ARFGEF1: variants seen among roughly 807,000 people sequenced by gnomAD.
The protein encoded by ARFGEF1 is ARF guanine nucleotide exchange factor 1.
A neutral mutation model predicts 231.0 loss-of-function variants in ARFGEF1; 42 were observed. The observed-to-expected ratio is 0.18, with a 90% CI of 0.14 to 0.24. The LOEUF is 0.24. Among genes scored for constraint, ARFGEF1 ranks in the 10% least tolerant of loss-of-function variants. The probability of loss-of-function intolerance (pLI) is 1.00; values close to 1 mark genes in which losing one functional copy is unlikely to be tolerated. For synonymous variants in ARFGEF1, 710 were observed against 732.3 expected, an observed-to-expected ratio of 0.97 and a Z score of 0.49; for missense variants, 1,345 against 2,192.0, an observed-to-expected ratio of 0.61 and a Z score of 7.72.
At chr8:67,311,548 A>T (rs9693677) in intron 1 of ARFGEF1, among the ~76,000 whole-genome samples, 3 of 134,982 alleles carry the variant, frequency 2.2e-5, no homozygotes, top group Admixed American at 7.0e-5. Context: ...CCAGCCGCCC[A>T]GTCTGGGAGG....
chr8:67,277,931 A>C (rs1016894104), intron 7 of ARFGEF1, among the ~76,000 whole-genome samples: 6 of 152,180 alleles, frequency 3.9e-5, no homozygotes, highest in Non-Finnish European at 5.9e-5. Context: ...AATTTATTGT[A>C]CCATAAGCCC....
At chr8:67,327,675 C>T (rs1188000223) in intron 1 of ARFGEF1, among the ~76,000 whole-genome samples, 1 of 152,184 alleles carries the variant, frequency 6.6e-6, no homozygotes, top group Non-Finnish European at 1.5e-5. Flanking sequence ...TACCACAAGA[C>T]AGTAAAACGT....
intron 19 of ARFGEF1, among the ~76,000 whole-genome samples, chr8:67,246,348 G>A (rs1361561940): frequency 6.6e-6 from 1 of 150,592 alleles, no homozygotes; most frequent in Non-Finnish European, 1.5e-5. Flanking sequence ...CTAGAGGATA[G>A]ACCATATGTT....
intron 23 of ARFGEF1, 52 bp from the exon 24 acceptor site, chr8:67,228,316 C>G (rs1358913377): frequency 6.5e-7 from 1 of 1,534,948 alleles, no homozygotes; most frequent in Non-Finnish European, 8.9e-7. Flanking sequence ...TGTTCTTATT[C>G]CAATTGAAAA....
rs185084508 is a variant in ARFGEF1 at position 67,246,678 on chromosome 8, C to T, written c.2850+4621G>A. Among the ~76,000 whole-genome samples, 6 of 150,092 alleles carry T rather than the reference C, an allele frequency of 4.0e-5. No individual in the cohort carries two copies. In the East Asian group the frequency reaches 9.7e-4, roughly 24 times the overall value. ...AGAAGAAAAACTCCAAATAAACAAC[C>T]TAATGATGTTTCTTAAAGAACTAGA... On this transcript the variant is annotated intron_variant, in intron 19 of 38. Transcript: ENST00000262215.
At chr8:67,334,634 T>C (rs189723433) in intron 1 of ARFGEF1, among the ~76,000 whole-genome samples, 1 of 152,330 alleles carries the variant, frequency 6.6e-6, no homozygotes, top group Non-Finnish European at 1.5e-5. Flanking sequence ...CAAATATTCA[T>C]GGCAGTATTA....
intron 5 of ARFGEF1, among the ~76,000 whole-genome samples, chr8:67,184,736 T>TTAAAAA (rs1316027774): frequency 1.6e-5 from 2 of 128,480 alleles, no homozygotes; most frequent in African/African-American, 6.9e-5. Context: ...AAAATAATAA[T>TTAAAAA]AAAAAAATAT....
chr8:67,264,832 T>C (rs1432706863), intron 14 of ARFGEF1, among the ~76,000 whole-genome samples: 3 of 152,156 alleles, frequency 2.0e-5, no homozygotes, highest in Admixed American at 1.3e-4. Context: ...TGGCAGTACT[T>C]ACTCTGTACG....
chr8:67,338,303 TG>T (rs1808442119), intron 1 of ARFGEF1, among the ~76,000 whole-genome samples: 1 of 152,182 alleles, frequency 6.6e-6, no homozygotes, highest in Non-Finnish European at 1.5e-5. Flanking sequence ...TTCTAGAAGA[TG>T]GTCTCACCAG....
intron 9 of ARFGEF1, among the ~76,000 whole-genome samples, chr8:67,274,398 C>T (rs1480052720): frequency 6.6e-6 from 1 of 151,484 alleles, no homozygotes; most frequent in African/African-American, 2.4e-5. Context: ...AGGGTGTATT[C>T]AGTATTCAAT....
chr8:67,198,509 A>C lies in ARFGEF1; in HGVS notation c.*425T>G. On this transcript the variant is annotated 3_prime_UTR_variant, in exon 39 of 39. Coordinates refer to ENST00000262215, the MANE Select transcript of ARFGEF1 (RefSeq NM_006421.5). ...TAAATATCTTTTACCATGAACAATAATTTCTTCTTCTCTCCCCACTCCCCA... is the reference window on the plus strand; with the variant it reads ...TAAATATCTTTTACCATGAACAATACTTTCTTCTTCTCTCCCCACTCCCCA... 2 of 990,030 alleles carry C rather than the reference A, an allele frequency of 2.0e-6. No homozygotes were observed. Among genetic ancestry groups the C allele is most frequent in the Non-Finnish European group, 2.4e-6 (2 of 833,046 alleles). The allele number at this position is 990,030 out of a possible 1,614,324, so 61.3% of individuals were successfully genotyped here.
intron 1 of ARFGEF1, among the ~76,000 whole-genome samples, chr8:67,307,450 T>C (rs983026763): frequency 1.1e-4 from 16 of 152,266 alleles, no homozygotes; most frequent in African/African-American, 3.6e-4. Flanking sequence ...GATGAGTAAA[T>C]GTAAATTCCA....
At chr8:67,337,987 T>C (rs1808426227) in intron 1 of ARFGEF1, among the ~76,000 whole-genome samples, 1 of 152,196 alleles carries the variant, frequency 6.6e-6, no homozygotes, top group Admixed American at 6.5e-5. Context: ...ACTCATGTAT[T>C]TTTCCTTTTC....
chr8:67,244,615 T>C (rs1209736292), intron 19 of ARFGEF1, among the ~76,000 whole-genome samples: 1 of 149,200 alleles, frequency 6.7e-6, no homozygotes, highest in Non-Finnish European at 1.5e-5. Context: ...AGTCTCTTAA[T>C]AGCAGAACTG....
chr8:67,177,167 G>A (rs559025476), intron 5 of ARFGEF1, among the ~76,000 whole-genome samples: 6 of 151,150 alleles, frequency 4.0e-5, no homozygotes, highest in African/African-American at 9.7e-5. Context: ...GCTATCATTC[G>A]CAGCTTGTTT....
downstream of ARFGEF1, chr8:67,195,313 G>T: frequency 1.1e-6 from 1 of 919,002 alleles, no homozygotes; most frequent in South Asian, 1.3e-5. Context: ...TGGACTACAA[G>T]AGACCTGCGC....
chr8:67,180,856 C>T, intron 5 of ARFGEF1, among the ~76,000 whole-genome samples: 1 of 147,220 alleles, frequency 6.8e-6, no homozygotes, highest in East Asian at 2.0e-4. Flanking sequence ...ATGGGATCTT[C>T]TTTTTTTTTT....
Position 67,343,147 on chromosome 8 carries a change from G to C in ARFGEF1, c.124+17C>G. ...CCACAACAAGCACCCCATCCCCCGG[G>C]CCTCCTCCCCGCTCACCTAACGCCA... On this transcript the variant is annotated intron_variant, in intron 1 of 38. Coordinates refer to ENST00000262215, the MANE Select transcript of ARFGEF1 (RefSeq NM_006421.5). 1 of 1,492,280 alleles carries C rather than the reference G, an allele frequency of 6.7e-7. No homozygotes were observed. Among genetic ancestry groups the C allele is most frequent in the South Asian group, 1.2e-5 (1 of 83,368 alleles). The allele number at this position is 1,492,280 out of a possible 1,614,324, so 92.4% of individuals were successfully genotyped here. A position where few individuals can be genotyped will look rare whatever the true frequency, so the allele number is the denominator to read the frequency against.
intron 32 of ARFGEF1, among the ~76,000 whole-genome samples, chr8:67,217,366 G>A (rs1838975211): frequency 1.4e-5 from 2 of 148,086 alleles, no homozygotes; most frequent in Admixed American, 6.7e-5. Flanking sequence ...CTTAGAGAAA[G>A]ATGACAAGCT....
Sources: allele counts gnomAD v4.1 joint callset (sites outside exome capture counted in the v4.1 genomes callset), GRCh38; gene constraint gnomAD v4.1.1; transcripts MANE v1.5; gene names NCBI Gene and HGNC (gene_info 2026-07-23, HGNC 2026-07-21).